Variants in FBXW7 observed in about 807,000 individuals in gnomAD.
FBXW7 encodes the protein F-box and WD repeat domain containing 7.
A neutral mutation model predicts 86.3 loss-of-function variants in FBXW7; 11 were observed. That is an observed-to-expected ratio of 0.13 (90% CI 0.08 to 0.21). The LOEUF (loss-of-function observed/expected upper bound fraction) is 0.21, where lower values mean the gene tolerates loss of function less well. Among genes scored for constraint, FBXW7 ranks in the 10% least tolerant of loss-of-function variants. FBXW7 has a pLI of 1.00. For missense variants in FBXW7, 488 were observed against 847.4 expected (o/e 0.58, Z 5.27); for synonymous variants, 313 against 297.9 (o/e 1.05, Z -0.52).
At chr4:152,363,686 T>C (rs148815987) in intron 4 of FBXW7, among the ~76,000 whole-genome samples, 2 of 152,298 alleles carry the variant, frequency 1.3e-5, no homozygotes, top group East Asian at 1.9e-4. Flanking sequence ...ATACAATGTA[T>C]ACAGGGAAGG....
At chr4:152,402,432 G>A (rs1249600866) in intron 4 of FBXW7, among the ~76,000 whole-genome samples, 1 of 152,130 alleles carries the variant, frequency 6.6e-6, no homozygotes, top group Non-Finnish European at 1.5e-5. Flanking sequence ...TTTAGTTGAG[G>A]CAACATTTGG....
In FBXW7 at chr4:152,411,984, A is replaced by G. The variant is rs556409568; in HGVS notation, c.-69-112T>C. 1.2e-5 allele frequency: 12 copies of G among 995,358 alleles called. No homozygotes were observed. The Admixed American group carries it at 3.5e-4, about 29-fold the overall frequency. The allele number at this position is 995,358 out of a possible 1,614,324, so 61.7% of individuals were successfully genotyped here. A position where few individuals can be genotyped will look rare whatever the true frequency, so the allele number is the denominator to read the frequency against. On this transcript the variant is annotated intron_variant, in intron 3 of 13. Transcript: ENST00000281708. Reference sequence around the variant, plus strand: ...CATTAATGATTGCAAAAAAGTATTGATGCCACCAAGGCATTAAAATGTTCT... The same window carrying G: ...CATTAATGATTGCAAAAAAGTATTGGTGCCACCAAGGCATTAAAATGTTCT...
chr4:152,366,108 AATG>A (rs1415046361), intron 4 of FBXW7, among the ~76,000 whole-genome samples: 3 of 152,206 alleles, frequency 2.0e-5, no homozygotes, highest in Non-Finnish European at 2.9e-5. Flanking sequence ...CTAAATAAGA[AATG>A]ATGATGTAGG....
intron 4 of FBXW7, among the ~76,000 whole-genome samples, chr4:152,380,119 T>G (rs540338026): frequency 1.3e-5 from 2 of 152,234 alleles, no homozygotes; most frequent in South Asian, 4.1e-4. Flanking sequence ...GTCTGTAAAA[T>G]ACAGAAGAAT....
chr4:152,334,273 A>C (rs969447431), intron 7 of FBXW7, among the ~76,000 whole-genome samples: 1 of 152,318 alleles, frequency 6.6e-6, no homozygotes, highest in African/African-American at 2.4e-5. Flanking sequence ...AGGTGTAACT[A>C]TATTCAACAA....
In FBXW7 at chr4:152,330,030, TAAAGATGGTTCAAAC is replaced by T. The variant is rs1578886803; in HGVS notation, c.1123-260_1123-246del. ...AAAGTTTTACTGCATCAAGACCTCA[TAAAGATGGTTCAAAC>T]ACCAATGTATTTGACAATAATCTAT... On this transcript the variant is annotated intron_variant, in intron 9 of 13. Coordinates refer to ENST00000281708, the MANE Select transcript of FBXW7 (RefSeq NM_001349798.2). 2.0e-5 allele frequency among the ~76,000 whole-genome samples: 3 copies of T among 152,028 alleles called. No homozygotes were observed. In the East Asian group the frequency reaches 5.8e-4, roughly 29 times the overall value.
At chr4:152,497,059 A>G (rs1442214422) in intron 2 of FBXW7, among the ~76,000 whole-genome samples, 1 of 152,196 alleles carries the variant, frequency 6.6e-6, no homozygotes, top group Non-Finnish European at 1.5e-5. Context: ...ACAATGGCTC[A>G]CGCCTGTCAT....
intron 4 of FBXW7, among the ~76,000 whole-genome samples, chr4:152,409,795 T>C (rs749384111): frequency 4.2e-4 from 63 of 151,612 alleles, no homozygotes; most frequent in Admixed American, 4.1e-3. Flanking sequence ...TGTATATACA[T>C]AAATGCATAC....
intron 2 of FBXW7, among the ~76,000 whole-genome samples, chr4:152,497,115 G>T (rs1746422289): frequency 6.6e-6 from 1 of 152,040 alleles, no homozygotes; most frequent in Admixed American, 6.6e-5. Context: ...CCGAGGTCAG[G>T]AGTTGGAGAC....
chr4:152,424,584 T>C (rs563783460), intron 2 of FBXW7, among the ~76,000 whole-genome samples: 1 of 152,320 alleles, frequency 6.6e-6, no homozygotes, highest in East Asian at 1.9e-4. Context: ...AAGCGCCTGG[T>C]GAGTTACCGC....
At chr4:152,482,528 G>A (rs774179913) in intron 2 of FBXW7, among the ~76,000 whole-genome samples, 67 of 152,022 alleles carry the variant, frequency 4.4e-4, no homozygotes, top group Non-Finnish European at 7.8e-4. Context: ...CCACTTCCTT[G>A]TTTTCTGGCT....
chr4:152,350,233 GTTAA>G (rs1731673548), intron 4 of FBXW7, 109 bp from the exon 5 acceptor site: 1 of 504,390 alleles, frequency 2.0e-6, no homozygotes, highest in Non-Finnish European at 3.5e-6. Flanking sequence ...TGCCTACAAT[GTTAA>G]TTAAATATAT....
At chr4:152,370,197 T>G (rs1279021568) in intron 4 of FBXW7, among the ~76,000 whole-genome samples, 1 of 152,054 alleles carries the variant, frequency 6.6e-6, no homozygotes, top group Non-Finnish European at 1.5e-5. Flanking sequence ...GTGAACTATA[T>G]GAAATCACCC....
intron 2 of FBXW7, among the ~76,000 whole-genome samples, chr4:152,521,052 G>GT (rs146795151): frequency 0.031 from 4,719 of 152,232 alleles, 90 homozygotes; most frequent in Middle Eastern, 0.054. Context: ...AAGCTTTCCA[G>GT]TTTTTTGTCT....
intron 2 of FBXW7, among the ~76,000 whole-genome samples, chr4:152,514,562 T>C (rs188484542): frequency 3.3e-5 from 5 of 152,206 alleles, no homozygotes; most frequent in Non-Finnish European, 7.4e-5. Flanking sequence ...GGTGCCTGGG[T>C]CATAGGAGCA....
intron 5 of FBXW7, 129 bp from the exon 6 acceptor site, chr4:152,347,200 A>G (rs1225269998): frequency 6.4e-6 from 5 of 778,656 alleles, no homozygotes; most frequent in African/African-American, 1.8e-5. Context: ...TCAAACATCA[A>G]TTAATTACCT....
intron 2 of FBXW7, among the ~76,000 whole-genome samples, chr4:152,496,415 G>A (rs1746343865): frequency 6.6e-6 from 1 of 152,074 alleles, no homozygotes; most frequent in Admixed American, 6.5e-5. Context: ...AACTGGGCCA[G>A]GCGCAGTGGC....
Position 152,519,080 on chromosome 4 carries a change from C to T in FBXW7, c.-120+15861G>A, listed in dbSNP as rs903238443. Among the ~76,000 whole-genome samples the T allele has an allele frequency of 8.5e-5, 13 of 152,168 alleles. No homozygotes were observed. In the South Asian group the frequency reaches 1.5e-3, roughly 17 times the overall value. On this transcript the variant is annotated intron_variant, in intron 2 of 13. Transcript: ENST00000281708. ...TTGAGAGGTGAAGGTGGGTGGATCA[C>T]GAGGTCAGGAGATCGAGACCATCCT...
At chr4:152,514,568 G>A (rs1325694171) in intron 2 of FBXW7, among the ~76,000 whole-genome samples, 1 of 152,114 alleles carries the variant, frequency 6.6e-6, no homozygotes, top group African/African-American at 2.4e-5. Flanking sequence ...TGGGTCATAG[G>A]AGCAGATTCC....
Sources: gnomAD v4.1 joint callset for allele counts (sites outside exome capture counted in the v4.1 genomes callset) on GRCh38, gnomAD v4.1.1 for gene constraint, MANE v1.5 for transcripts, NCBI Gene and HGNC (gene_info 2026-07-23, HGNC 2026-07-21) for gene names.